AP3S2: variants seen among roughly 807,000 people sequenced by gnomAD.
AP3S2 encodes the protein AP-3 complex subunit sigma-2.
Under a neutral mutation model 23.4 loss-of-function variants are expected in AP3S2, and 22 were observed. The ratio of observed to expected loss-of-function variants is 0.94; its 90% CI spans 0.67 to 1.34. The LOEUF is 1.34. AP3S2 is among the 40% of genes most tolerant of loss of function. The probability of loss-of-function intolerance (pLI) is 0.00; values close to 1 mark genes in which losing one functional copy is unlikely to be tolerated. For synonymous variants in AP3S2, 86 were observed against 87.1 expected, an observed-to-expected ratio of 0.99 and a Z score of 0.07; for missense variants, 241 against 236.9, an observed-to-expected ratio of 1.02 and a Z score of -0.11.
In AP3S2 at chr15:89,832,903, A is replaced by C. The variant is rs1167452270; in HGVS notation, c.*2612T>G. On this transcript the variant is annotated 3_prime_UTR_variant, in exon 6 of 6. Transcript: ENST00000336418. The stretch of plus-strand genomic sequence containing the variant: ...AATGAAAAATTATTGTGGCTTGTCC[A>C]AAGGGATTGAGTTTTCCAAATAAAA... 6.6e-6 allele frequency: 1 copy of C among 152,214 alleles called. No individual in the cohort carries two copies. 9.4% of individuals were successfully genotyped at this position (152,214 alleles called of 1,614,324 possible). A position where few individuals can be genotyped will look rare whatever the true frequency, so the allele number is the denominator to read the frequency against.
At chr15:89,867,985 G>A (rs1896186719) in intron 4 of AP3S2, among the ~76,000 whole-genome samples, 1 of 146,622 alleles carries the variant, frequency 6.8e-6, no homozygotes. Context: ...CCGGGAGGGA[G>A]GTGGGGGGGT....
intron 3 of AP3S2, among the ~76,000 whole-genome samples, chr15:89,880,217 GCTAA>G (rs1209958263): frequency 3.3e-5 from 5 of 152,006 alleles, no homozygotes; most frequent in African/African-American, 9.7e-5. Context: ...AGAGGGAAAT[GCTAA>G]CTGTTAATTC....
rs1895402526 is a variant in AP3S2, at chr15:89,844,066, TA to T, written c.346-6345del. ...AGAGTCCATGGATAGCATTTAAAAC[TA>T]AAGTAATAAAGATATGGTTAATCTG... is the stretch of plus-strand genomic sequence containing the variant. On this transcript the variant is annotated intron_variant, in intron 4 of 5. Coordinates refer to ENST00000336418, the MANE Select transcript of AP3S2 (RefSeq NM_005829.5). Among the ~76,000 whole-genome samples the T allele has an allele frequency of 4.6e-5, 7 of 152,192 alleles. No individual in the cohort carries two copies. The South Asian group carries it at 1.4e-3, about 31-fold the overall frequency.
chr15:89,868,193 T>C (rs369191763), intron 4 of AP3S2, among the ~76,000 whole-genome samples: 5,129 of 14,784 alleles, frequency 0.35, 545 homozygotes, highest in Admixed American at 0.53. Flanking sequence ...CCTGGCCAGC[T>C]GCCCCGTCCG....
rs138355638 is a variant in AP3S2, at chr15:89,856,383, C to T, written c.345+15092G>A. On this transcript the variant is annotated intron_variant, in intron 4 of 5. Transcript: ENST00000336418. ...TTTGAGACCAGGTTGGCCAACATGG[C>T]GAAACCCTGTCTCTACTAAAAAATA... 8.1e-3 allele frequency among the ~76,000 whole-genome samples: 1,225 copies of T among 152,000 alleles called. 27 individuals carry two copies. Among genetic ancestry groups the T allele is most frequent in the Admixed American group, 0.048 (735 of 15,270 alleles).
chr15:89,854,304 G>C (rs1895749139), intron 4 of AP3S2, among the ~76,000 whole-genome samples: 1 of 21,916 alleles, frequency 4.6e-5, no homozygotes, highest in Non-Finnish European at 9.2e-5. Flanking sequence ...GGGGGGGTCA[G>C]CCCCCCCACC....
At chr15:89,840,216 G>A (rs1016512635) in intron 4 of AP3S2, among the ~76,000 whole-genome samples, 1 of 152,104 alleles carries the variant, frequency 6.6e-6, no homozygotes, top group Non-Finnish European at 1.5e-5. Flanking sequence ...GAAACTATAT[G>A]TTACATATTT....
rs1434158675 is a variant in AP3S2, at chr15:89,833,335, T to C, written c.*2180A>G. The C allele has an allele frequency of 6.6e-6, 1 of 152,206 alleles. No homozygotes were observed. The highest frequency in any genetic ancestry group is 2.4e-5 in the African/African-American group (1 of 41,446). 9.4% of individuals were successfully genotyped at this position (152,206 alleles called of 1,614,324 possible). Reference sequence around the variant, plus strand: ...TCAGACTCTCTGAGGCTCAGTTTCCTTATCTATAAAAAAGAAGATGATAAC... The same window carrying C: ...TCAGACTCTCTGAGGCTCAGTTTCCCTATCTATAAAAAAGAAGATGATAAC... On this transcript the variant is annotated 3_prime_UTR_variant, in exon 6 of 6. Transcript: ENST00000336418.
intron 4 of AP3S2, among the ~76,000 whole-genome samples, chr15:89,868,953 G>C (rs1446341982): frequency 7.0e-6 from 1 of 143,792 alleles, no homozygotes; most frequent in Non-Finnish European, 1.5e-5. Context: ...AGGTGGGGGG[G>C]TCAGCCCCCT....
At chr15:89,838,172 A>G (rs1895241412) in intron 4 of AP3S2, 1 of 164,704 alleles carries the variant, frequency 6.1e-6, no homozygotes, top group South Asian at 1.5e-4. Flanking sequence ...ACCATCATCA[A>G]CACTGACTGT....
chr15:89,838,191 AG>A (rs2066412983), intron 4 of AP3S2: 1 of 162,480 alleles, frequency 6.2e-6, no homozygotes, highest in African/African-American at 2.4e-5. Flanking sequence ...GTCATTAAGT[AG>A]GTCCAGCTAT....
chr15:89,837,266 G>A (rs1233819290), intron 5 of AP3S2, among the ~76,000 whole-genome samples: 1 of 152,202 alleles, frequency 6.6e-6, no homozygotes, highest in African/African-American at 2.4e-5. Flanking sequence ...CTGGACTAGG[G>A]AAGAGGGTTC....
chr15:89,849,647 A>T (rs145308437), intron 4 of AP3S2, among the ~76,000 whole-genome samples: 1 of 152,080 alleles, frequency 6.6e-6, no homozygotes, highest in Admixed American at 6.6e-5. Context: ...GATTACAGGC[A>T]TGAGCCACTG....
intron 3 of AP3S2, among the ~76,000 whole-genome samples, chr15:89,872,493 A>T (rs1223427564): frequency 1.3e-5 from 2 of 152,222 alleles, no homozygotes; most frequent in African/African-American, 4.8e-5. Flanking sequence ...GAATGAACAC[A>T]CCATGTAACT....
chr15:89,836,961 A>G (rs887310729), intron 5 of AP3S2, among the ~76,000 whole-genome samples: 1 of 152,160 alleles, frequency 6.6e-6, no homozygotes, highest in Non-Finnish European at 1.5e-5. Context: ...TTGTTCTGCT[A>G]TTTCTGCATG....
At chr15:89,844,205 CTTTCTCTT>C (rs1216943540) in intron 4 of AP3S2, among the ~76,000 whole-genome samples, 1 of 133,378 alleles carries the variant, frequency 7.5e-6, no homozygotes, top group Non-Finnish European at 1.8e-5. Context: ...CTCTTTCTTT[CTTTCTCTT>C]TCTTTCTTTC....
intron 4 of AP3S2, among the ~76,000 whole-genome samples, chr15:89,844,252 TTTC>T: frequency 2.2e-5 from 1 of 44,938 alleles, no homozygotes; most frequent in East Asian, 4.5e-4. Flanking sequence ...TCTTTCTTTC[TTTC>T]TTTCTTTCTT....
intron 4 of AP3S2, among the ~76,000 whole-genome samples, chr15:89,869,649 A>G (rs1407977867): frequency 6.6e-6 from 1 of 151,974 alleles, no homozygotes; most frequent in East Asian, 1.9e-4. Context: ...CTGAGATGTT[A>G]AGAAATTCAT....
At chr15:89,840,789 T>G (rs1057058637) in intron 4 of AP3S2, among the ~76,000 whole-genome samples, 1 of 152,212 alleles carries the variant, frequency 6.6e-6, no homozygotes, top group Non-Finnish European at 1.5e-5. Context: ...GGCAATAAAA[T>G]GATCCCAATG....
Sources: allele counts gnomAD v4.1 joint callset (sites outside exome capture counted in the v4.1 genomes callset), GRCh38; gene constraint gnomAD v4.1.1; transcripts MANE v1.5; gene names NCBI Gene and HGNC (gene_info 2026-07-23, HGNC 2026-07-21).